KLF12: variants seen among roughly 807,000 people sequenced by gnomAD.
KLF12 encodes the protein KLF transcription factor 12.
A neutral mutation model predicts 37.8 loss-of-function variants in KLF12; 9 were observed. The observed-to-expected ratio is 0.24, with a 90% confidence interval of 0.14 to 0.42. The LOEUF (loss-of-function observed/expected upper bound fraction) is 0.42. Ranked by LOEUF, KLF12 falls within the 10% of genes least tolerant of loss-of-function variation. KLF12 has a pLI of 1.00. For synonymous variants in KLF12, 208 were observed against 202.1 expected, an observed-to-expected ratio of 1.03 and a Z score of -0.25; for missense variants, 411 against 516.0, an observed-to-expected ratio of 0.80 and a Z score of 1.97.
At chr13:73,702,279 T>G (rs766672219) in intron 7 of KLF12, among the ~76,000 whole-genome samples, 15 of 152,142 alleles carry the variant, frequency 9.9e-5, no homozygotes, top group Non-Finnish European at 1.6e-4. Flanking sequence ...AGAAAAGGAT[T>G]AAGAGTCACT....
At chr13:74,109,321 A>T (rs972947112) in intron 1 of KLF12, among the ~76,000 whole-genome samples, 17 of 150,848 alleles carry the variant, frequency 1.1e-4, no homozygotes, top group Admixed American at 8.6e-4. Flanking sequence ...TTTTTTTTTT[A>T]AATAAGAGAC....
At chr13:74,301,520 A>G in the KLF12 span, among the ~76,000 whole-genome samples, 2 of 152,138 alleles carry the variant, frequency 1.3e-5, no homozygotes, top group Admixed American at 1.3e-4. Flanking sequence ...CGTGAGTTTT[A>G]TTATTTTTAG....
At chr13:74,027,177 A>T (rs1460881060) in intron 1 of KLF12, among the ~76,000 whole-genome samples, 1 of 152,240 alleles carries the variant, frequency 6.6e-6, no homozygotes, top group Non-Finnish European at 1.5e-5. Context: ...TAAGCCTTAA[A>T]AAACAACCTA....
intron 2 of KLF12, among the ~76,000 whole-genome samples, chr13:73,984,540 G>T (rs1891773695): frequency 6.9e-6 from 1 of 144,142 alleles, no homozygotes; most frequent in African/African-American, 2.7e-5. Context: ...CATCCAGTGT[G>T]GCCTTCCTCT....
the KLF12 span, among the ~76,000 whole-genome samples, chr13:74,238,937 TC>T: frequency 6.7e-6 from 1 of 150,374 alleles, no homozygotes; most frequent in Admixed American, 6.6e-5. Context: ...TGTCTCTATT[TC>T]CTTCAGTTCT....
chr13:73,933,230 C>T (rs1889765808), intron 3 of KLF12, among the ~76,000 whole-genome samples: 2 of 152,226 alleles, frequency 1.3e-5, no homozygotes, highest in South Asian at 2.1e-4. Flanking sequence ...CTGAGGCCTA[C>T]TTTGATATGA....
At chr13:73,839,628 G>A (rs1884637562) in intron 4 of KLF12, among the ~76,000 whole-genome samples, 1 of 151,872 alleles carries the variant, frequency 6.6e-6, no homozygotes, top group Non-Finnish European at 1.5e-5. Flanking sequence ...ATTTTTACTT[G>A]TTTGCTAATA....
intron 3 of KLF12, among the ~76,000 whole-genome samples, chr13:73,876,940 G>A (rs1277462026): frequency 3.3e-5 from 5 of 151,776 alleles, no homozygotes; most frequent in Admixed American, 6.6e-5. Context: ...ACTTGAATCC[G>A]GGAGGCAAAC....
chr13:73,709,907 A>G (rs1772141238), intron 7 of KLF12, among the ~76,000 whole-genome samples: 1 of 152,164 alleles, frequency 6.6e-6, no homozygotes, highest in Non-Finnish European at 1.5e-5. Context: ...TACATTCATC[A>G]ATTACCTGGC....
the KLF12 span, among the ~76,000 whole-genome samples, chr13:74,288,631 C>A: frequency 1.5e-4 from 23 of 152,260 alleles, no homozygotes; most frequent in Non-Finnish European, 3.1e-4. Flanking sequence ...GGCAGAAAAC[C>A]GTGAAGAGTC....
At chr13:73,852,763 C>A (rs913235518) in intron 3 of KLF12, among the ~76,000 whole-genome samples, 10 of 151,742 alleles carry the variant, frequency 6.6e-5, no homozygotes, top group Admixed American at 4.6e-4. Context: ...GGTGACAGAG[C>A]GAGACTCCAT....
At chr13:74,273,348 G>A in the KLF12 span, among the ~76,000 whole-genome samples, 4 of 151,568 alleles carry the variant, frequency 2.6e-5, no homozygotes, top group Admixed American at 6.6e-5. Flanking sequence ...TTTCTCCTTG[G>A]GCTCATTTTT....
the KLF12 span, among the ~76,000 whole-genome samples, chr13:74,146,234 GAAT>G: frequency 6.6e-6 from 1 of 152,172 alleles, no homozygotes; most frequent in Non-Finnish European, 1.5e-5. Flanking sequence ...AATATGTCAG[GAAT>G]ACAGACTTTC....
At chr13:74,178,410 A>C in the KLF12 span, among the ~76,000 whole-genome samples, 1 of 152,222 alleles carries the variant, frequency 6.6e-6, no homozygotes, top group Non-Finnish European at 1.5e-5. Context: ...TCTTCAAGGG[A>C]AAAAGGTCAG....
chr13:73,937,203 A>T (rs1408880527), intron 3 of KLF12, among the ~76,000 whole-genome samples: 1 of 147,298 alleles, frequency 6.8e-6, no homozygotes, highest in Non-Finnish European at 1.5e-5. Flanking sequence ...AAAAATAAAT[A>T]AATAAAAAAG....
chr13:73,795,932 G>A (rs1468897781), intron 5 of KLF12, among the ~76,000 whole-genome samples: 1 of 152,196 alleles, frequency 6.6e-6, no homozygotes, highest in African/African-American at 2.4e-5. Flanking sequence ...AGAATAAATA[G>A]TAAACAGAGA....
chr13:73,958,060 C>G (rs1466087404), intron 2 of KLF12, among the ~76,000 whole-genome samples: 4 of 152,152 alleles, frequency 2.6e-5, no homozygotes, highest in African/African-American at 9.7e-5. Context: ...TCTGTGCTGT[C>G]TGGGTAGCCA....
intron 1 of KLF12, among the ~76,000 whole-genome samples, chr13:74,126,744 C>CA (rs1461110036): frequency 6.6e-5 from 10 of 151,906 alleles, no homozygotes; most frequent in Non-Finnish European, 4.4e-5. Flanking sequence ...ACAAACAGCC[C>CA]AAAAAAGGCA....
At position 73,805,668 on chromosome 13, in the gene KLF12, GGA is replaced by G. The variant is rs1566380453; in HGVS notation, c.806+7482_806+7483del. On this transcript the variant is annotated intron_variant, in intron 5 of 7. Transcript: ENST00000377669. The stretch of plus-strand genomic sequence containing the variant: ...AGGGAGGGAGGAAGGAAGGAAGGAA[GGA>G]AGGAAGGAAGGAAGGAAGGAAGGAA... Among the ~76,000 whole-genome samples, 390 of 104,160 alleles carry G rather than the reference GGA, an allele frequency of 3.7e-3. 10 individuals carry two copies. The highest frequency in any genetic ancestry group is 5.3e-3 in the Non-Finnish European group (261 of 48,844). The allele number at this position is 104,160 out of a possible 152,430, so 68.3% of individuals were successfully genotyped here.
Sources: gnomAD v4.1 joint callset for allele counts (sites outside exome capture counted in the v4.1 genomes callset) on GRCh38, gnomAD v4.1.1 for gene constraint, MANE v1.5 for transcripts, NCBI Gene and HGNC (gene_info 2026-07-23, HGNC 2026-07-21) for gene names.